DICER1: variants seen among roughly 807,000 people sequenced by gnomAD.
The protein encoded by DICER1 is dicer 1, ribonuclease III.
In DICER1, 43 loss-of-function variants were observed where a neutral mutation model predicts 194.1. The ratio of observed to expected loss-of-function variants is 0.22; its 90% confidence interval spans 0.17 to 0.29. DICER1 has a LOEUF of 0.29. Ranked by LOEUF, DICER1 falls within the 10% of genes least tolerant of loss-of-function variation. The pLI, the probability that DICER1 is intolerant of heterozygous loss-of-function variation, is 1.00. For missense variants in DICER1, 1,608 were observed against 2,317.0 expected (o/e 0.69, Z 6.28); for synonymous variants, 832 against 820.5 (o/e 1.01, Z -0.24).
intron 22 of DICER1, 64 bp from the exon 23 acceptor site, chr14:95,096,777 C>T: frequency 6.5e-7 from 1 of 1,527,730 alleles, no homozygotes; most frequent in Non-Finnish European, 8.8e-7. Flanking sequence ...GGGTTTGAAA[C>T]TCAATAAAAG....
chr14:95,107,148 T>C (rs1891494952), intron 17 of DICER1, among the ~76,000 whole-genome samples: 1 of 152,208 alleles, frequency 6.6e-6, no homozygotes, highest in African/African-American at 2.4e-5. Flanking sequence ...CCTGAGTAGC[T>C]GTGATTACAG....
Position 95,096,541 on chromosome 14 carries a change from G to C in DICER1, c.4379C>G (p.Ser1460Ter), listed in dbSNP as rs1595341817. ...IRFIDNMLMG[S>*]GAFVKKISLS... ...AGAGATTTTCTTTACAAAAGCTCCT[G>C]ACCCCATTAACATATTATCTATAAA... is the stretch of plus-strand genomic sequence containing the variant. Residue 1460 changes from serine to a stop codon, truncating the protein, a stop_gained, in exon 23 of 27, where the codon TCA (serine) becomes TGA (stop). Transcript: ENST00000343455. LOFTEE classifies it high-confidence loss of function. 6.2e-7 allele frequency: 1 copy of C among 1,613,970 alleles called. No homozygotes were observed. The highest frequency in any genetic ancestry group is 8.5e-7 in the Non-Finnish European group (1 of 1,179,918).
chr14:95,105,387 C>T lies in DICER1; in HGVS notation c.3094-141G>A. 1.2e-6 allele frequency: 1 copy of T among 824,652 alleles called. No homozygotes were observed. Among genetic ancestry groups the T allele is most frequent in the Non-Finnish European group, 1.9e-6 (1 of 513,680 alleles). The allele number at this position is 824,652 out of a possible 1,614,324, so 51.1% of individuals were successfully genotyped here. A position where few individuals can be genotyped will look rare whatever the true frequency, so the allele number is the denominator to read the frequency against. On this transcript the variant is annotated intron_variant, in intron 19 of 26. Transcript: ENST00000343455. The surrounding 1 kb of genome is among the most constrained non-coding windows in gnomAD (Gnocchi z 4.9). ...TTTAAAAAATATTTGTAAAAATAAT[C>T]CTCTAAGGCCAAATGGGATTTATCA...
At chr14:95,131,047 T>C (rs1432417280) in intron 4 of DICER1, among the ~76,000 whole-genome samples, 1 of 152,196 alleles carries the variant, frequency 6.6e-6, no homozygotes, top group Non-Finnish European at 1.5e-5. Flanking sequence ...TGGGTTTTTT[T>C]CTGAGATGGA....
At chr14:95,114,707 C>A (rs1892282201) in intron 11 of DICER1, among the ~76,000 whole-genome samples, 1 of 152,126 alleles carries the variant, frequency 6.6e-6, no homozygotes. Context: ...TGGCAGACTT[C>A]ACTCAAGTGA....
chr14:95,133,286 T>C, intron 2 of DICER1, 29 bp downstream of exon 2: 1 of 1,612,308 alleles, frequency 6.2e-7, no homozygotes, highest in South Asian at 1.1e-5. Context: ...TAGTGTAGAA[T>C]GCTCCAGTAT....
Position 95,105,886 on chromosome 14 carries a change from C to T in DICER1, c.2988-103G>A, listed in dbSNP as rs990014106. On this transcript the variant is annotated intron_variant, in intron 18 of 26. Coordinates refer to ENST00000343455, the MANE Select transcript of DICER1 (RefSeq NM_177438.3). The surrounding 1 kb of genome is among the most constrained non-coding windows in gnomAD (Gnocchi z 4.9). ...GAAGAGCTCATTTCAACTACAGCCT[C>T]TTGGGCTACCCCTTGGGCAAGTTTG... 1.2e-5 allele frequency: 16 copies of T among 1,379,562 alleles called. No individual in the cohort carries two copies. In the African/African-American group the frequency reaches 2.0e-4, roughly 17 times the overall value. The allele number at this position is 1,379,562 out of a possible 1,614,324, so 85.5% of individuals were successfully genotyped here.
chr14:95,086,916 C>T lies in DICER1; in HGVS notation c.*3582G>A, dbSNP rs1007889364. 8.6e-6 allele frequency: 2 copies of T among 232,880 alleles called. No individual in the cohort carries two copies. Among genetic ancestry groups the T allele is most frequent in the Non-Finnish European group, 1.7e-5 (2 of 117,874 alleles). The allele number at this position is 232,880 out of a possible 1,614,324, so 14.4% of individuals were successfully genotyped here. Reference sequence around the variant, plus strand: ...AATAAACATGACATGAGTTTCTCTTCTGCAGATAATGCAAATGGGTTAAAG... The same window carrying T: ...AATAAACATGACATGAGTTTCTCTTTTGCAGATAATGCAAATGGGTTAAAG... On this transcript the variant is annotated 3_prime_UTR_variant, in exon 27 of 27. Coordinates refer to ENST00000343455, the MANE Select transcript of DICER1 (RefSeq NM_177438.3).
Position 95,124,412 on chromosome 14 carries a change from T to C in DICER1, c.1160A>G (p.Tyr387Cys). Reference sequence around the variant, plus strand: ...AAACTGCTGTCGCTCATATGGTTTATATTTGCGTAAGATTTCGAGCAGTTT... The same window carrying C: ...AAACTGCTGTCGCTCATATGGTTTACATTTGCGTAAGATTTCGAGCAGTTT... ...VIKLLEILRK[Y>C]KPYERQQFES... is the part of the protein sequence containing the mutation. Residue 387 changes from tyrosine to cysteine, a missense_variant, in exon 8 of 27, where the codon TAT (tyrosine) becomes TGT (cysteine). Physicochemically the swap from Tyr to Cys is radical, Grantham distance 194 (BLOSUM62 -2). Coordinates refer to ENST00000343455, the MANE Select transcript of DICER1 (RefSeq NM_177438.3). The surrounding 1 kb of genome is among the most constrained non-coding windows in gnomAD (Gnocchi z 4.5). 1 of 1,614,230 alleles carries C rather than the reference T, an allele frequency of 6.2e-7. No individual in the cohort carries two copies. Among genetic ancestry groups the C allele is most frequent in the Non-Finnish European group, 8.5e-7 (1 of 1,180,026 alleles).
At position 95,088,929 on chromosome 14, in the gene DICER1, A is replaced by G. The variant is rs1324216335; in HGVS notation, c.*1569T>C. 1 of 233,598 alleles carries G rather than the reference A, an allele frequency of 4.3e-6. No homozygotes were observed. The highest frequency in any genetic ancestry group is 8.5e-6 in the Non-Finnish European group (1 of 118,056). 14.5% of individuals were successfully genotyped at this position (233,598 alleles called of 1,614,324 possible). ...TGAGACACCTCTGCTCAGCTTTCTT[A>G]AACTTCAAGCATAATTAACGGGGCA... is the stretch of plus-strand genomic sequence containing the variant. On this transcript the variant is annotated 3_prime_UTR_variant, in exon 27 of 27. Coordinates refer to ENST00000343455, the MANE Select transcript of DICER1 (RefSeq NM_177438.3).
At chr14:95,142,969 C>T (rs1459022036) in intron 1 of DICER1, among the ~76,000 whole-genome samples, 1 of 152,178 alleles carries the variant, frequency 6.6e-6, no homozygotes, top group Admixed American at 6.5e-5. Flanking sequence ...TTCAACTCAT[C>T]CATGTTATTA....
intron 11 of DICER1, among the ~76,000 whole-genome samples, chr14:95,113,428 C>T (rs1892161066): frequency 6.6e-6 from 1 of 152,230 alleles, no homozygotes; most frequent in Admixed American, 6.5e-5. Context: ...TCTATATCTT[C>T]GATGCCCAAC....
rs1889412062 is a variant in DICER1, at chr14:95,087,312, T to C, written c.*3186A>G. The C allele has an allele frequency of 1.3e-5, 3 of 233,238 alleles. No homozygotes were observed. In the Admixed American group the frequency reaches 1.7e-4, roughly 13 times the overall value. 14.4% of individuals were successfully genotyped at this position (233,238 alleles called of 1,614,324 possible). On this transcript the variant is annotated 3_prime_UTR_variant, in exon 27 of 27. Coordinates refer to ENST00000343455, the MANE Select transcript of DICER1 (RefSeq NM_177438.3). The stretch of plus-strand genomic sequence containing the variant: ...GGAGTGTTAGAGGTCATTCTAAATT[T>C]CATCACTTCACGTAATATAAAAGAA...
rs1464737401 is a variant in DICER1 at position 95,103,692 on chromosome 14, C to T, written c.3704G>A (p.Cys1235Tyr). 1.2e-6 allele frequency: 2 copies of T among 1,614,078 alleles called. No homozygotes were observed. Among genetic ancestry groups the T allele is most frequent in the Non-Finnish European group, 1.7e-6 (2 of 1,180,030 alleles). Residue 1235 changes from cysteine to tyrosine, a missense_variant, in exon 21 of 27, where the codon TGT (cysteine) becomes TAT (tyrosine). Transcript: ENST00000343455. ...YENQPQPSDE[C>Y]TLLSNKYLDG... ...AAGGTATTTATTACTCAGGAGAGTA[C>T]ATTCATCGCTGGGCTGGGGCTGGTT...
chr14:95,135,299 A>G (rs1194349314), intron 1 of DICER1, among the ~76,000 whole-genome samples: 3 of 152,220 alleles, frequency 2.0e-5, no homozygotes, highest in African/African-American at 7.2e-5. Context: ...AAGACATGGT[A>G]GAAGGTACCA....
intron 25 of DICER1, 31 bp from the exon 26 acceptor site, chr14:95,091,140 AAT>A (rs771059329): frequency 2.5e-6 from 4 of 1,613,778 alleles, no homozygotes; most frequent in Non-Finnish European, 3.4e-6. Flanking sequence ...TAATATGAAT[AAT>A]ATCTCTGAAG....
In DICER1 at chr14:95,124,847, G is replaced by A. The variant is rs540256510; in HGVS notation, c.904-179C>T. The stretch of plus-strand genomic sequence containing the variant: ...TAGCCTTTTCAAGCTCATTTCGTAT[G>A]TATATGCCTAGAACCATCTCCTTTT... On this transcript the variant is annotated intron_variant, in intron 7 of 26. Coordinates refer to ENST00000343455, the MANE Select transcript of DICER1 (RefSeq NM_177438.3). The surrounding 1 kb of genome is among the most constrained non-coding windows in gnomAD (Gnocchi z 4.5). Among the ~76,000 whole-genome samples, 41 of 152,260 alleles carry A rather than the reference G, an allele frequency of 2.7e-4. No individual in the cohort carries two copies. The highest frequency in any genetic ancestry group is 9.9e-4 in the African/African-American group (41 of 41,550).
intron 1 of DICER1, among the ~76,000 whole-genome samples, chr14:95,155,930 G>A (rs1327877928): frequency 2.6e-5 from 4 of 152,164 alleles, no homozygotes; most frequent in Admixed American, 6.5e-5. Flanking sequence ...CGTGCCACAG[G>A]TAGCTTTAAA....
At chr14:95,126,850 A>G (rs1238196953) in intron 6 of DICER1, 102 bp from the exon 7 acceptor site, 1 of 163,776 alleles carries the variant, frequency 6.1e-6, no homozygotes. Context: ...AATAGATACT[A>G]AAAAAAAAAA....
Sources: gnomAD v4.1 joint callset for allele counts (sites outside exome capture counted in the v4.1 genomes callset) on GRCh38, gnomAD v4.1.1 for gene constraint, Gnocchi (gnomAD v3.1) non-coding constraint, MANE v1.5 for transcripts, NCBI Gene and HGNC (gene_info 2026-07-23, HGNC 2026-07-21) for gene names.